The following ERP44 variants were observed in gnomAD, a reference collection of about 807,000 sequenced individuals.
ERP44 encodes endoplasmic reticulum resident protein 44.
A neutral mutation model predicts 53.4 loss-of-function variants in ERP44; 25 were observed. The observed-to-expected ratio is 0.47, with a 90% confidence interval of 0.34 to 0.65. ERP44 has a LOEUF of 0.65. Among genes scored for constraint, ERP44 ranks in the 30% least tolerant of loss-of-function variants. The pLI is 0.01. For missense variants in ERP44, 338 were observed against 493.2 expected (o/e 0.69, Z 2.98); for synonymous variants, 145 against 161.2 (o/e 0.90, Z 0.76).
intron 10 of ERP44, among the ~76,000 whole-genome samples, chr9:99,991,907 GA>G (rs1564084552): frequency 4.6e-5 from 7 of 152,274 alleles, no homozygotes; most frequent in Admixed American, 2.6e-4. Flanking sequence ...AAATAAACTA[GA>G]AAATCTAGAA....
chr9:99,989,200 T>G (rs1057141961), intron 10 of ERP44, among the ~76,000 whole-genome samples: 7 of 152,182 alleles, frequency 4.6e-5, no homozygotes, highest in African/African-American at 1.4e-4. Flanking sequence ...CCCAGCATGT[T>G]TGAGCTCTGT....
At chr9:100,060,305 T>C in intron 1 of ERP44, 133 bp from the exon 2 acceptor site, 1 of 1,016,706 alleles carries the variant, frequency 9.8e-7, no homozygotes, top group Non-Finnish European at 1.3e-6. Flanking sequence ...TGAATCTTTA[T>C]TATCTAGTCT....
At chr9:100,028,834 A>AAAAAG (rs1830680991) in intron 4 of ERP44, among the ~76,000 whole-genome samples, 1 of 152,120 alleles carries the variant, frequency 6.6e-6, no homozygotes, top group Non-Finnish European at 1.5e-5. Flanking sequence ...AAAACAAAAA[A>AAAAAG]CTCGACTCAG....
rs377065514 is a variant in ERP44, at chr9:99,987,769, C to CT, written c.1017-2701dup. 2.6e-3 allele frequency among the ~76,000 whole-genome samples: 377 copies of CT among 147,670 alleles called. 1 individual carries two copies. Among genetic ancestry groups the CT allele is most frequent in the African/African-American group, 8.6e-3 (340 of 39,746 alleles). On this transcript the variant is annotated intron_variant, in intron 10 of 11. Transcript: ENST00000262455. Reference sequence around the variant, plus strand: ...ATACAACATGTAATTATAAGAATGGCTTTTTTTTTTCACTTGGCATTATTG... The same window carrying CT: ...ATACAACATGTAATTATAAGAATGGCTTTTTTTTTTTCACTTGGCATTATTG...
intron 9 of ERP44, among the ~76,000 whole-genome samples, 191 bp from the exon 10 acceptor site, chr9:100,006,838 A>G (rs557430352): frequency 1.4e-4 from 22 of 152,340 alleles, no homozygotes; most frequent in Admixed American, 7.8e-4. Context: ...CTTAGGGCAC[A>G]GAGTATAACT....
chr9:100,028,277 G>A (rs1267201460), intron 4 of ERP44, among the ~76,000 whole-genome samples: 3 of 152,190 alleles, frequency 2.0e-5, no homozygotes, highest in Admixed American at 1.3e-4. Context: ...CTCTTGCTTA[G>A]TGCCATACAG....
At chr9:100,057,921 C>T (rs1197861015) in intron 2 of ERP44, 62 bp from the exon 3 acceptor site, 8 of 1,252,634 alleles carry the variant, frequency 6.4e-6, no homozygotes, top group Non-Finnish European at 9.3e-6. Context: ...ATTAAACATA[C>T]AGTTTCATTA....
chr9:100,049,649 C>A (rs577890246), intron 4 of ERP44, among the ~76,000 whole-genome samples: 1 of 152,156 alleles, frequency 6.6e-6, no homozygotes, highest in Non-Finnish European at 1.5e-5. Flanking sequence ...CTGGAACTCT[C>A]ATGTACTATT....
At position 99,983,551 on chromosome 9, in the gene ERP44, C is replaced by CAAAA. The variant is rs59132233; in HGVS notation, c.1120-842_1120-839dup. 7.2e-3 allele frequency among the ~76,000 whole-genome samples: 480 copies of CAAAA among 66,332 alleles called. 1 individual carries two copies. Among genetic ancestry groups the CAAAA allele is most frequent in the Non-Finnish European group, 9.8e-3 (366 of 37,176 alleles). 43.5% of individuals were successfully genotyped at this position (66,332 alleles called of 152,430 possible). On this transcript the variant is annotated intron_variant, in intron 11 of 11. Coordinates refer to ENST00000262455, the MANE Select transcript of ERP44 (RefSeq NM_015051.3). ...TGGGCGACAGAGCGAGACTCCGTCT[C>CAAAA]AAAAAAAAAAAAAAAAAAAAAAAAG... is the stretch of plus-strand genomic sequence containing the variant.
intron 10 of ERP44, among the ~76,000 whole-genome samples, chr9:99,986,405 G>A (rs1027949948): frequency 5.9e-5 from 9 of 151,968 alleles, no homozygotes; most frequent in African/African-American, 1.9e-4. Context: ...TCTGCCTTCT[G>A]AGATCTTGGT....
At chr9:100,070,461 A>G (rs939392875) in intron 1 of ERP44, among the ~76,000 whole-genome samples, 10 of 152,242 alleles carry the variant, frequency 6.6e-5, no homozygotes, top group African/African-American at 2.2e-4. Flanking sequence ...TCTAAAGAAG[A>G]TAACTGCTGG....
chr9:100,017,459 A>G (rs930471156), intron 7 of ERP44, among the ~76,000 whole-genome samples: 13 of 152,234 alleles, frequency 8.5e-5, no homozygotes, highest in Non-Finnish European at 1.9e-4. Context: ...CTGATAATCT[A>G]GAGATGATGA....
intron 8 of ERP44, among the ~76,000 whole-genome samples, chr9:100,014,321 T>G (rs1246726774): frequency 2.6e-5 from 4 of 152,220 alleles, no homozygotes; most frequent in Non-Finnish European, 5.9e-5. Context: ...GGTCTCACTC[T>G]GTCGCCCAGG....
chr9:100,058,906 C>T (rs185460445), intron 2 of ERP44, among the ~76,000 whole-genome samples: 17 of 152,286 alleles, frequency 1.1e-4, no homozygotes, highest in East Asian at 1.9e-4. Flanking sequence ...CTTGCTTATT[C>T]GCTCTAAAGC....
intron 7 of ERP44, among the ~76,000 whole-genome samples, chr9:100,017,991 G>A (rs1165067527): frequency 1.3e-5 from 2 of 151,912 alleles, no homozygotes; most frequent in Non-Finnish European, 2.9e-5. Context: ...CTGAGAGTCA[G>A]GAGATCCCTA....
chr9:100,038,088 G>A (rs1180905081), intron 4 of ERP44, among the ~76,000 whole-genome samples: 1 of 152,088 alleles, frequency 6.6e-6, no homozygotes, highest in Non-Finnish European at 1.5e-5. Context: ...AACATCAGAT[G>A]TGTCCTACAA....
chr9:100,076,888 C>A (rs534098627), intron 1 of ERP44, among the ~76,000 whole-genome samples: 2 of 152,332 alleles, frequency 1.3e-5, no homozygotes, highest in Admixed American at 1.3e-4. Context: ...GCCCCATGAA[C>A]AAAGTGGCCA....
chr9:100,089,298 G>A (rs1396561163), intron 1 of ERP44, among the ~76,000 whole-genome samples: 1 of 151,986 alleles, frequency 6.6e-6, no homozygotes, highest in Non-Finnish European at 1.5e-5. Context: ...GCCAAAGAGA[G>A]GCCAGGCGTG....
At chr9:100,042,915 G>T (rs1825922088) in intron 4 of ERP44, among the ~76,000 whole-genome samples, 1 of 152,042 alleles carries the variant, frequency 6.6e-6, no homozygotes, top group African/African-American at 2.4e-5. Flanking sequence ...GGGTGGAAAG[G>T]GTAGTCGAGG....
Sources: allele counts gnomAD v4.1 joint callset (sites outside exome capture counted in the v4.1 genomes callset), GRCh38; gene constraint gnomAD v4.1.1; transcripts MANE v1.5; gene names NCBI Gene and HGNC (gene_info 2026-07-23, HGNC 2026-07-21).